DIS3L2: variants seen among roughly 807,000 people sequenced by gnomAD.
DIS3L2 encodes DIS3-like exonuclease 2.
A neutral mutation model predicts 97.5 loss-of-function variants in DIS3L2; 34 were observed. That is an observed-to-expected ratio of 0.35 (90% CI 0.27 to 0.46). DIS3L2 has a LOEUF of 0.46. DIS3L2 is among the 20% of genes least tolerant of loss of function. The pLI, the probability that DIS3L2 is intolerant of heterozygous loss-of-function variation, is 1.00. For synonymous variants in DIS3L2, 435 were observed against 445.2 expected, an observed-to-expected ratio of 0.98 and a Z score of 0.29; for missense variants, 1,038 against 1,146.0, an observed-to-expected ratio of 0.91 and a Z score of 1.36.
At chr2:232,337,437 T>C (rs1157206762), downstream of DIS3L2, among the ~76,000 whole-genome samples, 1 of 151,982 alleles carries the variant, frequency 6.6e-6, no homozygotes, top group East Asian at 1.9e-4. Flanking sequence ...GGCCTGGGCC[T>C]GGGGGAGGGG....
At chr2:232,108,109 T>G in intron 6 of DIS3L2, among the ~76,000 whole-genome samples, 1 of 152,306 alleles carries the variant, frequency 6.6e-6, no homozygotes, top group Non-Finnish European at 1.5e-5. Context: ...GTATCCTTGA[T>G]GAACATCAGT....
At position 232,068,174 on chromosome 2, in the gene DIS3L2, C is replaced by T. The variant is rs1052547622; in HGVS notation, c.367-19313C>T. ...AAGTAGATTTTTAGAGTTGGCTATA[C>T]GTGAAATCTATATATTTTAGATTTT... On this transcript the variant is annotated intron_variant, in intron 5 of 20. Coordinates refer to ENST00000325385, the MANE Select transcript of DIS3L2 (RefSeq NM_152383.5). Among the ~76,000 whole-genome samples, 5 of 152,098 alleles carry T rather than the reference C, an allele frequency of 3.3e-5. No individual in the cohort carries two copies. The East Asian group carries it at 5.8e-4, about 18-fold the overall frequency.
At chr2:232,332,647 C>T (rs913952247) in intron 16 of DIS3L2, among the ~76,000 whole-genome samples, 12 of 152,114 alleles carry the variant, frequency 7.9e-5, no homozygotes, top group African/African-American at 2.9e-4. Flanking sequence ...CTGCCCCAGT[C>T]CTGCCTCCTG....
intron 3 of DIS3L2, among the ~76,000 whole-genome samples, chr2:232,019,862 C>G (rs1179030014): frequency 6.6e-6 from 1 of 151,896 alleles, no homozygotes; most frequent in Non-Finnish European, 1.5e-5. Flanking sequence ...AAATTATAGA[C>G]TGATCATTGC....
chr2:232,339,908 G>A (rs1696067851), downstream of DIS3L2, among the ~76,000 whole-genome samples: 1 of 152,180 alleles, frequency 6.6e-6, no homozygotes, highest in South Asian at 2.1e-4. Flanking sequence ...TTGGGCCTTA[G>A]AAGGAGAGCC....
At chr2:232,272,229 G>A (rs7598284) in intron 13 of DIS3L2, among the ~76,000 whole-genome samples, 118 of 152,246 alleles carry the variant, frequency 7.8e-4, no homozygotes, top group African/African-American at 2.7e-3. Context: ...GGTGATATCC[G>A]ACCAGTACAG....
At chr2:232,028,377 TTAAAG>T (rs1033434718) in intron 4 of DIS3L2, among the ~76,000 whole-genome samples, 3 of 152,156 alleles carry the variant, frequency 2.0e-5, no homozygotes, top group African/African-American at 4.8e-5. Context: ...CTTAGTGTCT[TTAAAG>T]TAAGAGATTC....
intron 5 of DIS3L2, among the ~76,000 whole-genome samples, chr2:232,082,140 A>G (rs1292830473): frequency 1.3e-5 from 2 of 152,214 alleles, no homozygotes; most frequent in African/African-American, 4.8e-5. Context: ...TAGAGAGTAC[A>G]CAGGTTTTGA....
chr2:232,343,315 C>T (rs1289366612), intron 13 of DIS3L2: 10 of 1,545,886 alleles, frequency 6.5e-6, no homozygotes, highest in Non-Finnish European at 8.8e-6. Context: ...ACCGCGCCTC[C>T]TCATCCAGGA....
chr2:232,298,631 A>G (rs1694779978), intron 13 of DIS3L2, among the ~76,000 whole-genome samples: 2 of 152,192 alleles, frequency 1.3e-5, no homozygotes, highest in African/African-American at 2.4e-5. Context: ...GAAGAGAAAA[A>G]TCGTCCAGTA....
At chr2:232,158,607 T>C (rs1410675728) in intron 8 of DIS3L2, among the ~76,000 whole-genome samples, 8 of 152,242 alleles carry the variant, frequency 5.3e-5, no homozygotes, top group African/African-American at 1.9e-4. Context: ...CCCCTTTTTC[T>C]GGCTCTCGAA....
At chr2:232,106,681 A>G (rs1338785355) in intron 6 of DIS3L2, among the ~76,000 whole-genome samples, 1 of 152,210 alleles carries the variant, frequency 6.6e-6, no homozygotes, top group Admixed American at 6.5e-5. Context: ...CCCACTGACA[A>G]TATTAGATTA....
intron 6 of DIS3L2, among the ~76,000 whole-genome samples, chr2:232,096,087 CT>C (rs907872880): frequency 3.1e-4 from 44 of 139,960 alleles, no homozygotes; most frequent in East Asian, 1.2e-3. Flanking sequence ...GGGTAGTTGT[CT>C]TTTTTTTTTT....
At chr2:231,984,045 G>A (rs757748380) in intron 1 of DIS3L2, among the ~76,000 whole-genome samples, 35 of 151,982 alleles carry the variant, frequency 2.3e-4, no homozygotes, top group African/African-American at 7.7e-4. Flanking sequence ...TACTTTTTGC[G>A]TATTGGATTT....
intron 9 of DIS3L2, among the ~76,000 whole-genome samples, chr2:232,194,803 C>T (rs1442968856): frequency 3.9e-5 from 6 of 152,060 alleles, no homozygotes; most frequent in East Asian, 3.9e-4. Flanking sequence ...CTGGGTGACC[C>T]GCAACCTGGA....
intron 13 of DIS3L2, among the ~76,000 whole-genome samples, chr2:232,296,430 C>T (rs1021852468): frequency 1.3e-4 from 20 of 152,200 alleles, no homozygotes; most frequent in African/African-American, 4.8e-4. Flanking sequence ...AAAGCCTTTA[C>T]TTGGTAGGTG....
chr2:232,182,532 C>T (rs1373276634), intron 9 of DIS3L2, among the ~76,000 whole-genome samples: 9 of 152,080 alleles, frequency 5.9e-5, no homozygotes. Flanking sequence ...ATATATATTA[C>T]AGTTGAATTC....
chr2:232,312,207 C>T (rs1483078258), intron 14 of DIS3L2, among the ~76,000 whole-genome samples: 3 of 152,042 alleles, frequency 2.0e-5, no homozygotes, highest in Non-Finnish European at 2.9e-5. Flanking sequence ...TTCAGTATGT[C>T]GATCTTTTTT....
chr2:232,088,753 G>C (rs80246011), intron 6 of DIS3L2, among the ~76,000 whole-genome samples: 1 of 152,076 alleles, frequency 6.6e-6, no homozygotes, highest in African/African-American at 2.4e-5. Flanking sequence ...TGAGAGCTGT[G>C]ACCACGGACC....
Sources: allele counts gnomAD v4.1 joint callset (sites outside exome capture counted in the v4.1 genomes callset), GRCh38; gene constraint gnomAD v4.1.1; transcripts MANE v1.5; gene names NCBI Gene and HGNC (gene_info 2026-07-23, HGNC 2026-07-21).